The following BCLAF1 variants were observed in gnomAD, a reference collection of about 807,000 sequenced individuals.
BCLAF1 encodes the protein bcl-2-associated transcription factor 1.
A neutral mutation model predicts 99.5 loss-of-function variants in BCLAF1; 10 were observed. That is an observed-to-expected ratio of 0.10 (90% CI 0.06 to 0.17). The LOEUF (loss-of-function observed/expected upper bound fraction) is 0.17. BCLAF1 is among the 10% of genes least tolerant of loss of function. The pLI is 1.00. For synonymous variants in BCLAF1, 255 were observed against 370.9 expected, an observed-to-expected ratio of 0.69 and a Z score of 3.59; for missense variants, 636 against 1,105.8, an observed-to-expected ratio of 0.58 and a Z score of 6.02.
At chr6:136,270,138 T>A (rs887645490) in intron 8 of BCLAF1, among the ~76,000 whole-genome samples, 1 of 151,204 alleles carries the variant, frequency 6.6e-6, no homozygotes, top group African/African-American at 2.4e-5. Context: ...ACTTCAGAAG[T>A]AAGAATTCTA....
intron 11 of BCLAF1, among the ~76,000 whole-genome samples, chr6:136,265,928 T>C (rs1781647998): frequency 6.6e-6 from 1 of 152,164 alleles, no homozygotes; most frequent in South Asian, 2.1e-4. Context: ...TTGAACCAAG[T>C]AGATGGATCT....
In BCLAF1 at chr6:136,278,254, G is replaced by A. The variant is rs149171093; in HGVS notation, c.627C>T (p.Ser209=). The change falls in exon 4 of 13, where the codon TCC becomes TCT. Residue 209 remains serine (S), a synonymous_variant. Transcript: ENST00000531224. The stretch of plus-strand genomic sequence containing the variant: ...CTGAAAGGCCAGGCCAAATATCACC[G>A]GATGTGGCTGATGACTTATTAAATT... ...IDEFNKSSAT[S]GDIWPGLSAY... 4.3e-5 allele frequency: 69 copies of A among 1,614,066 alleles called. No homozygotes were observed. The highest frequency in any genetic ancestry group is 1.7e-4 in the African/African-American group (13 of 75,052).
Position 136,273,097 on chromosome 6 carries a change from C to A in BCLAF1, c.1943G>T (p.Ser648Ile). 6.2e-7 allele frequency: 1 copy of A among 1,611,456 alleles called. No homozygotes were observed. Residue 648 changes from serine (S) to isoleucine (I), a missense_variant, in exon 7 of 13, where the codon AGC (serine) becomes ATC (isoleucine). Around this residue, in one of 9 missense-constraint regions of BCLAF1, gnomAD observed 180 missense variants for 270.0 expected, o/e 0.67. Coordinates refer to ENST00000531224, the MANE Select transcript of BCLAF1 (RefSeq NM_014739.3). ...ATEEHSTRQK[S>I]PEIHRRIDIS... The stretch of plus-strand genomic sequence containing the variant: ...GGATACATACCTGTGTATTTCAGGG[C>A]TCTTTTGCCGAGTACTATGTTCTTC...
chr6:136,288,228 G>C (rs1478767385), intron 1 of BCLAF1, among the ~76,000 whole-genome samples: 1 of 152,202 alleles, frequency 6.6e-6, no homozygotes, highest in Non-Finnish European at 1.5e-5. Context: ...ATCACTAAGA[G>C]AAGGTGCTCC....
At chr6:136,286,687 G>T (rs1389193863) in intron 1 of BCLAF1, among the ~76,000 whole-genome samples, 1 of 152,214 alleles carries the variant, frequency 6.6e-6, no homozygotes, top group African/African-American at 2.4e-5. Context: ...AATAAAATGG[G>T]CTGGGTGCGG....
At position 136,262,459 on chromosome 6, in the gene BCLAF1, A is replaced by AC. The variant is rs559623018; in HGVS notation, c.2545-983_2545-982insG. 1.2e-4 allele frequency among the ~76,000 whole-genome samples: 19 copies of AC among 152,114 alleles called. 1 individual carries two copies. In the South Asian group the frequency reaches 3.9e-3, roughly 32 times the overall value. The stretch of plus-strand genomic sequence containing the variant: ...TTTTTACGTAATATGGCATATGAGT[A>AC]TTTTTTTTCCAAAACATAAGACTGT... On this transcript the variant is annotated intron_variant, in intron 11 of 12. Transcript: ENST00000531224.
intron 8 of BCLAF1, chr6:136,270,232 G>A (rs1370688560): frequency 6.6e-6 from 1 of 151,804 alleles, no homozygotes; most frequent in Non-Finnish European, 1.5e-5. Flanking sequence ...AAAGATATTC[G>A]CAATCCTGTA....
intron 1 of BCLAF1, among the ~76,000 whole-genome samples, chr6:136,286,530 T>G (rs2128493441): frequency 6.6e-6 from 1 of 152,374 alleles, no homozygotes; most frequent in South Asian, 2.1e-4. Context: ...CAATCTAGCA[T>G]TAGCCATCAT....
Position 136,257,542 on chromosome 6 carries a change from T to C in BCLAF1, c.*3568A>G, listed in dbSNP as rs1197394028. ...CCATATATTCCTGAATCCTAAGAAA[T>C]GTAAAACTTGTTCATTTAAACTTCA... is the stretch of plus-strand genomic sequence containing the variant. On this transcript the variant is annotated 3_prime_UTR_variant, in exon 13 of 13. Coordinates refer to ENST00000531224, the MANE Select transcript of BCLAF1 (RefSeq NM_014739.3). The C allele has an allele frequency of 3.9e-5, 6 of 152,164 alleles. No homozygotes were observed. The highest frequency in any genetic ancestry group is 9.7e-5 in the African/African-American group (4 of 41,440). 9.4% of individuals were successfully genotyped at this position (152,164 alleles called of 1,614,324 possible).
At chr6:136,283,468 T>C (rs944311427) in intron 1 of BCLAF1, among the ~76,000 whole-genome samples, 4 of 152,178 alleles carry the variant, frequency 2.6e-5, no homozygotes, top group African/African-American at 9.7e-5. Flanking sequence ...CCTAAAATAA[T>C]TTATCATTAA....
intron 11 of BCLAF1, 87 bp downstream of exon 11, chr6:136,266,942 G>A: frequency 1.4e-6 from 2 of 1,444,680 alleles, no homozygotes; most frequent in Non-Finnish European, 1.9e-6. Flanking sequence ...TCTTCTTATA[G>A]TAGTGGTTAT....
At position 136,282,465 on chromosome 6, in the gene BCLAF1, CA is replaced by C. The variant is rs1784502175; in HGVS notation, c.-11+118del. 3 of 152,042 alleles carry C rather than the reference CA, an allele frequency of 2.0e-5. No homozygotes were observed. The South Asian group carries it at 6.2e-4, about 32-fold the overall frequency. The allele number at this position is 152,042 out of a possible 1,614,324, so 9.4% of individuals were successfully genotyped here. A position where few individuals can be genotyped will look rare whatever the true frequency, so the allele number is the denominator to read the frequency against. ...ACTTCATACAAGCCACCAAAATAAACAAAAAACAAAGCTTCGGACCACATCA... is the reference window on the plus strand; with the variant it reads ...ACTTCATACAAGCCACCAAAATAAACAAAAACAAAGCTTCGGACCACATCA... On this transcript the variant is annotated intron_variant, in intron 2 of 12. Transcript: ENST00000531224.
At chr6:136,277,654 G>T (rs1045740073) in intron 4 of BCLAF1, among the ~76,000 whole-genome samples, 2 of 152,144 alleles carry the variant, frequency 1.3e-5, no homozygotes, top group Admixed American at 6.5e-5. Context: ...AGCCTCCTGA[G>T]TAGCTGGATA....
At chr6:136,267,309 A>G in intron 10 of BCLAF1, 134 bp from the exon 11 acceptor site, 1 of 1,077,522 alleles carries the variant, frequency 9.3e-7, no homozygotes, top group Non-Finnish European at 1.3e-6. Context: ...ATTGAGGATG[A>G]AAAGGATGGC....
rs1783802282 is a variant in BCLAF1 at position 136,278,324 on chromosome 6, T to A, written c.557A>T (p.Glu186Val). 1 of 1,614,022 alleles carries A rather than the reference T, an allele frequency of 6.2e-7. No individual in the cohort carries two copies. Among genetic ancestry groups the A allele is most frequent in the Non-Finnish European group, 8.5e-7 (1 of 1,179,992 alleles). The stretch of plus-strand genomic sequence containing the variant: ...GTCATGTTCAAATGTATCTTTCGGT[T>A]CCTCCTGTGATTTACTTTTCAACGG... ...ESPLKSKSQEEPKDTFEHDPS... is the reference protein window; with the variant it reads ...ESPLKSKSQEVPKDTFEHDPS... The change falls in exon 4 of 13, where the codon GAA becomes GTA. Residue 186 changes from glutamate (E) to valine (V), a missense_variant. Glu to Val is a moderately radical substitution (Grantham distance 121). Coordinates refer to ENST00000531224, the MANE Select transcript of BCLAF1 (RefSeq NM_014739.3).
At chr6:136,279,587 G>C (rs983462055) in intron 3 of BCLAF1, 176 bp downstream of exon 3, 2 of 614,048 alleles carry the variant, frequency 3.3e-6, no homozygotes, top group African/African-American at 3.8e-5. Flanking sequence ...ATTTACTAGA[G>C]CTTGTTACCT....
intron 9 of BCLAF1, chr6:136,269,112 A>T: frequency 8.5e-7 from 1 of 1,169,926 alleles, no homozygotes; most frequent in Non-Finnish European, 1.1e-6. Flanking sequence ...AAAAGTGCGG[A>T]ATCAAGCATA....
Position 136,277,846 on chromosome 6 carries a change from T to G in BCLAF1, c.1016+19A>C, listed in dbSNP as rs779894729. The G allele has an allele frequency of 6.3e-7, 1 of 1,597,974 alleles. No homozygotes were observed. The highest frequency in any genetic ancestry group is 8.5e-7 in the Non-Finnish European group (1 of 1,172,454). ...ACAAAAACAATATTATAATCTAGAT[T>G]CTGTATTTTAGTTTTTACCTTTTTA... On this transcript the variant is annotated intron_variant, in intron 4 of 12. Coordinates refer to ENST00000531224, the MANE Select transcript of BCLAF1 (RefSeq NM_014739.3).
intron 6 of BCLAF1, 38 bp downstream of exon 6, chr6:136,275,494 A>G (rs754268386): frequency 6.9e-7 from 1 of 1,449,360 alleles, no homozygotes; most frequent in South Asian, 1.6e-5. Context: ...TGCATGCAAG[A>G]GAAATTTAAT....
Sources: allele counts gnomAD v4.1 joint callset (sites outside exome capture counted in the v4.1 genomes callset), GRCh38; gene constraint gnomAD v4.1.1; regional missense constraint gnomAD v4.1.1; transcripts MANE v1.5; gene names NCBI Gene and HGNC (gene_info 2026-07-23, HGNC 2026-07-21).